Variants in CAMTA1 observed in about 807,000 individuals in gnomAD.
CAMTA1 encodes calmodulin-binding transcription activator 1.
A neutral mutation model predicts 170.9 loss-of-function variants in CAMTA1; 27 were observed. The ratio of observed to expected loss-of-function variants is 0.16; its 90% CI spans 0.12 to 0.22. CAMTA1 has a LOEUF of 0.22. CAMTA1 is among the 10% of genes least tolerant of loss of function. CAMTA1 has a pLI of 1.00. For synonymous variants in CAMTA1, 833 were observed against 891.5 expected (o/e 0.93, Z 1.17); for missense variants, 1,619 against 2,217.2 (o/e 0.73, Z 5.42).
At chr1:6,875,786 A>G (rs999098227) in intron 3 of CAMTA1, among the ~76,000 whole-genome samples, 1 of 152,206 alleles carries the variant, frequency 6.6e-6, no homozygotes, top group Non-Finnish European at 1.5e-5. Flanking sequence ...TTTTTAAGAA[A>G]CACTTGCCCC....
At chr1:7,341,252 A>C (rs36015885) in intron 5 of CAMTA1, among the ~76,000 whole-genome samples, 39,951 of 152,096 alleles carry the variant, frequency 0.26, 5,946 homozygotes, top group East Asian at 0.6. Context: ...GCTCCTTCCC[A>C]GGCATGTGGG....
chr1:7,466,013 C>T (rs569004063), intron 5 of CAMTA1, among the ~76,000 whole-genome samples: 7 of 152,332 alleles, frequency 4.6e-5, no homozygotes, highest in East Asian at 1.9e-4. Context: ...ACCCCTCAGC[C>T]GTTGATATCT....
chr1:6,911,420 G>T (rs920250547), intron 3 of CAMTA1, among the ~76,000 whole-genome samples: 1 of 152,198 alleles, frequency 6.6e-6, no homozygotes, highest in Middle Eastern at 3.2e-3. Flanking sequence ...TCGTCAACAC[G>T]GAGAGAGAGA....
intron 3 of CAMTA1, among the ~76,000 whole-genome samples, chr1:7,056,071 C>A (rs976043276): frequency 2.0e-5 from 3 of 152,180 alleles, no homozygotes; most frequent in African/African-American, 7.2e-5. Flanking sequence ...CTCTGCACGA[C>A]TCATGTGGGG....
chr1:7,707,957 G>C (rs1232630768), intron 11 of CAMTA1, among the ~76,000 whole-genome samples: 2 of 152,176 alleles, frequency 1.3e-5, no homozygotes, highest in African/African-American at 4.8e-5. Context: ...GTCGCCATCA[G>C]GAGATAGTTA....
At chr1:6,933,434 A>G (rs1489815195) in intron 3 of CAMTA1, among the ~76,000 whole-genome samples, 2 of 151,914 alleles carry the variant, frequency 1.3e-5, no homozygotes, top group African/African-American at 2.4e-5. Context: ...TAATTTTTGT[A>G]TTTCTAGTAG....
intron 3 of CAMTA1, among the ~76,000 whole-genome samples, chr1:7,029,611 TCTC>T (rs780573848): frequency 4.6e-5 from 7 of 152,016 alleles, no homozygotes; most frequent in South Asian, 2.1e-4. Context: ...TCTCTCTCTC[TCTC>T]TTTTTTGCAT....
chr1:7,385,194 A>G (rs1207328461), intron 5 of CAMTA1, among the ~76,000 whole-genome samples: 1 of 150,530 alleles, frequency 6.6e-6, no homozygotes, highest in African/African-American at 2.4e-5. Context: ...GGTTCAAACT[A>G]TTCTCCTGCC....
intron 6 of CAMTA1, among the ~76,000 whole-genome samples, chr1:7,546,494 T>C (rs146451837): frequency 4.4e-4 from 67 of 152,332 alleles, no homozygotes; most frequent in African/African-American, 1.6e-3. Flanking sequence ...AACAAAATGA[T>C]TTCTATTCCT....
intron 6 of CAMTA1, among the ~76,000 whole-genome samples, chr1:7,566,370 G>A (rs2095042237): frequency 6.6e-6 from 1 of 152,204 alleles, no homozygotes; most frequent in Non-Finnish European, 1.5e-5. Context: ...TAGGCCTAGT[G>A]TAAATAAGGC....
At chr1:7,335,986 G>A (rs866493046) in intron 5 of CAMTA1, among the ~76,000 whole-genome samples, 2 of 152,288 alleles carry the variant, frequency 1.3e-5, no homozygotes, top group Middle Eastern at 6.8e-3. Flanking sequence ...TCTGGAAACC[G>A]GCTTTCCTGC....
intron 3 of CAMTA1, among the ~76,000 whole-genome samples, chr1:6,898,484 C>T (rs1179041828): frequency 2.0e-5 from 3 of 152,132 alleles, no homozygotes; most frequent in East Asian, 3.9e-4. Flanking sequence ...ACCCAGGAGG[C>T]GGAGCTTGCA....
rs1642753875 is a variant in CAMTA1, at chr1:6,797,288, A to G, written c.45+11713A>G. Among the ~76,000 whole-genome samples the G allele has an allele frequency of 1.3e-5, 2 of 151,628 alleles. 1 individual carries two copies. The highest frequency in any genetic ancestry group is 4.2e-4 in the South Asian group (2 of 4,802). ...GTTGTCCAGGCTGGTCTCATACTAC[A>G]GGGCTCAAGTGATCCTCCTGCATCG... On this transcript the variant is annotated intron_variant, in intron 1 of 22. Coordinates refer to ENST00000303635, the MANE Select transcript of CAMTA1 (RefSeq NM_015215.4).
intron 11 of CAMTA1, among the ~76,000 whole-genome samples, chr1:7,712,053 CAATA>C (rs1360894342): frequency 1.3e-5 from 2 of 152,088 alleles, no homozygotes; most frequent in Non-Finnish European, 2.9e-5. Flanking sequence ...TAAAATCTAT[CAATA>C]TATAACATAC....
At chr1:6,920,988 CT>C (rs1681886450) in intron 3 of CAMTA1, among the ~76,000 whole-genome samples, 2 of 152,364 alleles carry the variant, frequency 1.3e-5, no homozygotes, top group Middle Eastern at 3.4e-3. Flanking sequence ...GTCTTGGGGA[CT>C]AACATTCGGC....
intron 4 of CAMTA1, among the ~76,000 whole-genome samples, chr1:7,102,134 G>A (rs1385376095): frequency 1.3e-5 from 2 of 152,092 alleles, no homozygotes; most frequent in African/African-American, 4.8e-5. Flanking sequence ...TTCGTTATGT[G>A]TCTTAGCGAG....
chr1:7,244,046 A>G (rs186217328), intron 4 of CAMTA1, among the ~76,000 whole-genome samples: 3 of 152,340 alleles, frequency 2.0e-5, no homozygotes, highest in African/African-American at 7.2e-5. Flanking sequence ...ATTTACAAGA[A>G]AAAAACAAAC....
intron 6 of CAMTA1, among the ~76,000 whole-genome samples, chr1:7,619,421 C>T (rs144452659): frequency 9.2e-4 from 140 of 152,238 alleles, no homozygotes; most frequent in South Asian, 1.5e-3. Context: ...GTTCACATGA[C>T]ACATAGCAGG....
intron 4 of CAMTA1, among the ~76,000 whole-genome samples, chr1:7,180,758 T>A (rs903239695): frequency 6.6e-6 from 1 of 152,190 alleles, no homozygotes; most frequent in Non-Finnish European, 1.5e-5. Context: ...ACGGTCCATC[T>A]GTCTTGGCTT....
Sources: gnomAD v4.1 joint callset for allele counts (sites outside exome capture counted in the v4.1 genomes callset) on GRCh38, gnomAD v4.1.1 for gene constraint, MANE v1.5 for transcripts, NCBI Gene and HGNC (gene_info 2026-07-23, HGNC 2026-07-21) for gene names.